Variants in INPP5F observed in about 807,000 individuals in gnomAD.
INPP5F encodes the protein phosphatidylinositide 4-phosphatase SAC2.
A neutral mutation model predicts 137.2 loss-of-function variants in INPP5F; 97 were observed. The ratio of observed to expected loss-of-function variants is 0.71; its 90% CI spans 0.60 to 0.84. The LOEUF (loss-of-function observed/expected upper bound fraction) is 0.84, where lower values mean the gene tolerates loss of function less well. INPP5F is among the 40% of genes least tolerant of loss of function. INPP5F has a pLI of 0.00. For synonymous variants in INPP5F, 504 were observed against 476.9 expected (o/e 1.06, Z -0.74); for missense variants, 1,271 against 1,371.9 (o/e 0.93, Z 1.16).
At chr10:119,800,532 G>A (rs1479388524) in intron 9 of INPP5F, among the ~76,000 whole-genome samples, 1 of 146,756 alleles carries the variant, frequency 6.8e-6, no homozygotes, top group Non-Finnish European at 1.5e-5. Flanking sequence ...TGCACTCCTG[G>A]ACGACAGAGT....
chr10:119,829,031 C>T lies in INPP5F; in HGVS notation c.*1251C>T, dbSNP rs1046237625. 4 of 152,548 alleles carry T rather than the reference C, an allele frequency of 2.6e-5. No individual in the cohort carries two copies. The highest frequency in any genetic ancestry group is 1.9e-4 in the East Asian group (1 of 5,196). 9.4% of individuals were successfully genotyped at this position (152,548 alleles called of 1,614,324 possible). On this transcript the variant is annotated 3_prime_UTR_variant, in exon 20 of 20. Coordinates refer to ENST00000650623, the MANE Select transcript of INPP5F (RefSeq NM_014937.4). Reference sequence around the variant, plus strand: ...TTGAAGTGACTGATTCTCAACTGAACATTATGTCGTTACTTTGATAAGCAT... The same window carrying T: ...TTGAAGTGACTGATTCTCAACTGAATATTATGTCGTTACTTTGATAAGCAT...
intron 1 of INPP5F, among the ~76,000 whole-genome samples, chr10:119,743,478 C>T (rs1026930065): frequency 6.6e-6 from 1 of 152,124 alleles, no homozygotes; most frequent in African/African-American, 2.4e-5. Context: ...GGGATCCACA[C>T]GAGAGAGTCT....
chr10:119,779,288 GGATGA>G (rs1324792965), intron 2 of INPP5F, among the ~76,000 whole-genome samples: 1 of 152,136 alleles, frequency 6.6e-6, no homozygotes, highest in Non-Finnish European at 1.5e-5. Context: ...AAGTTGCTCT[GGATGA>G]GTCAGTGAGT....
rs1352873366 is a variant in INPP5F, at chr10:119,748,192, C to A, written c.98-2884C>A. Among the ~76,000 whole-genome samples, 1 of 152,216 alleles carries A rather than the reference C, an allele frequency of 6.6e-6. No individual in the cohort carries two copies. The highest frequency in any genetic ancestry group is 1.5e-5 in the Non-Finnish European group (1 of 68,042). ...CCGTGGCAGGGCAGGCAGCTCCAGG[C>A]ACCGGTACAGGCACTGGCTTTGTGC... On this transcript the variant is annotated intron_variant, in intron 1 of 19. Transcript: ENST00000650623. This position sits in a 1 kb window ranked among gnomAD's most constrained non-coding sequence, Gnocchi z 4.7.
chr10:119,745,848 G>T (rs1848515896), intron 1 of INPP5F, among the ~76,000 whole-genome samples: 1 of 151,768 alleles, frequency 6.6e-6, no homozygotes, highest in Non-Finnish European at 1.5e-5. Flanking sequence ...GGGATTACAG[G>T]TATGCGCTAC....
intron 2 of INPP5F, among the ~76,000 whole-genome samples, chr10:119,765,235 A>G (rs1849121557): frequency 6.6e-6 from 1 of 152,142 alleles, no homozygotes; most frequent in South Asian, 2.1e-4. Flanking sequence ...TGCCCAGCCT[A>G]GCTTACTTTA....
At chr10:119,788,575 C>T (rs1030249632) in intron 3 of INPP5F, among the ~76,000 whole-genome samples, 2 of 152,142 alleles carry the variant, frequency 1.3e-5, no homozygotes, top group African/African-American at 2.4e-5. Flanking sequence ...CTTGACCTGC[C>T]CCAATCAGAC....
Position 119,827,119 on chromosome 10 carries a change from G to C in INPP5F, c.2738G>C (p.Ser913Thr), listed in dbSNP as rs780723563. The change falls in exon 20 of 20, where the codon AGT becomes ACT. Residue 913 changes from serine to threonine, a missense_variant. This residue lies in a region of INPP5F where 490 missense variants were observed against 443.7 expected (regional missense o/e 1.10). Transcript: ENST00000650623. ...TCCCAGTCTCTTAGCAGCACAGATA[G>C]TAGCGTTCATGCTCCTTCAGAGATT... Reference protein sequence around the residue: ...SRSQSLSSTDSSVHAPSEITV... With the variant: ...SRSQSLSSTDTSVHAPSEITV... 1.9e-6 allele frequency: 3 copies of C among 1,614,180 alleles called. No homozygotes were observed. The East Asian group carries it at 6.7e-5, about 36-fold the overall frequency.
intron 2 of INPP5F, among the ~76,000 whole-genome samples, chr10:119,765,712 C>T (rs1342791426): frequency 1.3e-5 from 2 of 148,632 alleles, no homozygotes; most frequent in Non-Finnish European, 3.0e-5. Flanking sequence ...GAGTCAGCAC[C>T]CCTAACTCCT....
At chr10:119,727,685 A>G (rs1017237674) in intron 1 of INPP5F, among the ~76,000 whole-genome samples, 1 of 152,150 alleles carries the variant, frequency 6.6e-6, no homozygotes, top group African/African-American at 2.4e-5. Context: ...ATTACGTTGT[A>G]TTTCCTCTTT....
chr10:119,816,291 G>C (rs756718749), intron 15 of INPP5F: 1 of 152,148 alleles, frequency 6.6e-6, no homozygotes. Context: ...TTTTCAAATA[G>C]AGAACTGTTA....
At position 119,726,069 on chromosome 10, in the gene INPP5F, C is replaced by A. The variant is rs1004786022; in HGVS notation, c.-194C>A. Reference sequence around the variant, plus strand: ...GGGGGGGAGAGGCCTCTACGGCCGCCGCTGCCGCCGCCGCTGCCGGGGCGC... The same window carrying A: ...GGGGGGGAGAGGCCTCTACGGCCGCAGCTGCCGCCGCCGCTGCCGGGGCGC... On this transcript the variant is annotated 5_prime_UTR_variant, in exon 1 of 20. Coordinates refer to ENST00000650623, the MANE Select transcript of INPP5F (RefSeq NM_014937.4). The A allele has an allele frequency of 1.6e-5, 6 of 369,658 alleles. No homozygotes were observed. The highest frequency in any genetic ancestry group is 4.8e-5 in the Admixed American group (1 of 20,672). 22.9% of individuals were successfully genotyped at this position (369,658 alleles called of 1,614,324 possible).
chr10:119,737,828 G>T (rs944898877), intron 1 of INPP5F, among the ~76,000 whole-genome samples: 2 of 152,022 alleles, frequency 1.3e-5, no homozygotes, highest in Non-Finnish European at 2.9e-5. Context: ...TGTCTTTTTA[G>T]AGCCGTAATA....
At chr10:119,773,148 C>T (rs1849418796) in intron 2 of INPP5F, among the ~76,000 whole-genome samples, 1 of 152,042 alleles carries the variant, frequency 6.6e-6, no homozygotes, top group African/African-American at 2.4e-5. Context: ...CCTTCGCCTC[C>T]TGGGGTCATG....
At chr10:119,775,259 C>A (rs547270774) in intron 2 of INPP5F, among the ~76,000 whole-genome samples, 2 of 151,894 alleles carry the variant, frequency 1.3e-5, no homozygotes, top group South Asian at 2.1e-4. Context: ...AAATATAATT[C>A]TTTTTTCTTT....
chr10:119,771,883 T>TATATATATATATA (rs1491430102), intron 2 of INPP5F, among the ~76,000 whole-genome samples: 38 of 20,044 alleles, frequency 1.9e-3, no homozygotes, highest in Admixed American at 2.8e-3. Context: ...TATATATATA[T>TATATATATATATA]TTTTTTTTTT....
intron 2 of INPP5F, among the ~76,000 whole-genome samples, chr10:119,764,501 A>G (rs995559879): frequency 2.6e-5 from 4 of 151,936 alleles, no homozygotes; most frequent in African/African-American, 7.3e-5. Flanking sequence ...CTTACTTAAC[A>G]TGAAGATAAG....
chr10:119,785,565 A>AGAGAGG (rs1849871993), intron 3 of INPP5F, among the ~76,000 whole-genome samples: 2 of 151,410 alleles, frequency 1.3e-5, no homozygotes, highest in African/African-American at 2.4e-5. Flanking sequence ...AGAGAGAGAG[A>AGAGAGG]GAGAGAGAGA....
At chr10:119,808,205 A>G (rs1230818315) in intron 13 of INPP5F, 145 bp downstream of exon 13, 1 of 931,374 alleles carries the variant, frequency 1.1e-6, no homozygotes, top group Non-Finnish European at 1.6e-6. Context: ...AGGCAGGGCC[A>G]GGTAATGTGA....
Sources: allele counts gnomAD v4.1 joint callset (sites outside exome capture counted in the v4.1 genomes callset), GRCh38; gene constraint gnomAD v4.1.1; regional missense constraint gnomAD v4.1.1; non-coding constraint Gnocchi (gnomAD v3.1); transcripts MANE v1.5; gene names NCBI Gene and HGNC (gene_info 2026-07-23, HGNC 2026-07-21).